Variants in PCDH15 observed in about 807,000 individuals in gnomAD.
PCDH15 encodes the protein protocadherin related 15.
In PCDH15, 129 loss-of-function variants were observed where a neutral mutation model predicts 178.5. That is an observed-to-expected ratio of 0.72 (90% CI 0.63 to 0.84). The LOEUF is 0.84. Among genes scored for constraint, PCDH15 ranks in the 40% least tolerant of loss-of-function variants. PCDH15 has a pLI of 0.00. For synonymous variants in PCDH15, 800 were observed against 732.0 expected (o/e 1.09, Z -1.50); for missense variants, 2,230 against 2,099.9 (o/e 1.06, Z -1.21).
intron 1 of PCDH15, among the ~76,000 whole-genome samples, chr10:54,710,213 A>G (rs919902598): frequency 2.0e-4 from 30 of 151,950 alleles, no homozygotes; most frequent in African/African-American, 7.2e-4. Context: ...ACTCAAGTGG[A>G]CGATCATGCA....
chr10:54,551,754 T>C (rs2133193898), intron 2 of PCDH15, among the ~76,000 whole-genome samples: 1 of 152,142 alleles, frequency 6.6e-6, no homozygotes, highest in African/African-American at 2.4e-5. Flanking sequence ...AGGAATCTCT[T>C]TTTACAATTT....
At chr10:54,991,404 G>T (rs940020293) in intron 2 of PCDH15, among the ~76,000 whole-genome samples, 19 of 152,072 alleles carry the variant, frequency 1.2e-4, no homozygotes, top group African/African-American at 3.9e-4. Context: ...AAAGAGAAAA[G>T]CTGGGCATGT....
At chr10:54,878,956 G>A (rs888768182) in intron 3 of PCDH15, among the ~76,000 whole-genome samples, 14 of 152,144 alleles carry the variant, frequency 9.2e-5, no homozygotes, top group African/African-American at 1.9e-4. Flanking sequence ...ATGCTTCGCC[G>A]AATTATTATT....
At chr10:54,200,846 C>T (rs2050162482) in intron 10 of PCDH15, among the ~76,000 whole-genome samples, 1 of 151,988 alleles carries the variant, frequency 6.6e-6, no homozygotes, top group Non-Finnish European at 1.5e-5. Context: ...ATACTCACTC[C>T]CTTGCTCAAT....
In PCDH15 at chr10:53,985,121, A is replaced by T. The variant is rs188856269; in HGVS notation, c.2868+10528T>A. ...CACAGACCCATAAATAAAAATATTG[A>T]TCTTTGCTATTGCAGAACAGTGAGA... On this transcript the variant is annotated intron_variant, in intron 21 of 37. Coordinates refer to ENST00000644397, the MANE Select transcript of PCDH15 (RefSeq NM_001384140.1). 9.5e-4 allele frequency among the ~76,000 whole-genome samples: 145 copies of T among 152,298 alleles called. 1 individual carries two copies. The highest frequency in any genetic ancestry group is 3.4e-3 in the Middle Eastern group (1 of 294).
chr10:55,516,191 C>T (rs1040791191), intron 2 of PCDH15, among the ~76,000 whole-genome samples: 28 of 151,912 alleles, frequency 1.8e-4, no homozygotes, highest in African/African-American at 6.0e-4. Context: ...GAATTGTGGA[C>T]GGTTCCCCCC....
intron 8 of PCDH15, among the ~76,000 whole-genome samples, chr10:54,262,509 A>G (rs1312188828): frequency 6.6e-6 from 1 of 151,962 alleles, no homozygotes; most frequent in Admixed American, 6.6e-5. Context: ...CTGTCCCCAA[A>G]TCATAGCCAG....
At chr10:53,951,080 G>C (rs1044922313) in intron 23 of PCDH15, among the ~76,000 whole-genome samples, 1 of 152,116 alleles carries the variant, frequency 6.6e-6, no homozygotes, top group Non-Finnish European at 1.5e-5. Context: ...GATCTCTATA[G>C]TCTATTTCAT....
At chr10:54,300,591 G>T (rs2060089872) in intron 8 of PCDH15, among the ~76,000 whole-genome samples, 1 of 152,176 alleles carries the variant, frequency 6.6e-6, no homozygotes, top group Non-Finnish European at 1.5e-5. Flanking sequence ...CCTAACAGAA[G>T]TTGGGGTGTC....
chr10:55,288,846 C>CGAAG (rs1842938195), intron 1 of PCDH15, among the ~76,000 whole-genome samples: 1 of 150,310 alleles, frequency 6.7e-6, no homozygotes, highest in Non-Finnish European at 1.5e-5. Context: ...CTATTTCTTC[C>CGAAG]AGCTTATGAC....
chr10:54,922,715 C>T (rs554120520), intron 2 of PCDH15, among the ~76,000 whole-genome samples: 1 of 152,234 alleles, frequency 6.6e-6, no homozygotes. Context: ...TTTCTCACAT[C>T]CAGGCCACAA....
chr10:53,990,538 T>C (rs371144547), intron 21 of PCDH15, among the ~76,000 whole-genome samples: 148 of 93,572 alleles, frequency 1.6e-3, no homozygotes, highest in South Asian at 2.4e-3. Context: ...TATATATGTT[T>C]TATATATGTT....
intron 2 of PCDH15, among the ~76,000 whole-genome samples, chr10:55,132,963 A>T (rs182440493): frequency 1.1e-4 from 17 of 152,326 alleles, no homozygotes; most frequent in Admixed American, 3.9e-4. Context: ...AGTGTTGACA[A>T]GTAAAGCATG....
At chr10:53,952,256 T>G (rs1224249834) in intron 23 of PCDH15, among the ~76,000 whole-genome samples, 1 of 152,126 alleles carries the variant, frequency 6.6e-6, no homozygotes, top group Admixed American at 6.5e-5. Context: ...GTCCCACATC[T>G]AGGAAGAATT....
intron 6 of PCDH15, among the ~76,000 whole-genome samples, chr10:54,337,981 C>T (rs948453177): frequency 2.6e-5 from 4 of 152,172 alleles, no homozygotes; most frequent in Non-Finnish European, 5.9e-5. Flanking sequence ...CGTCCAAATT[C>T]CTTTCCAGAG....
At chr10:54,549,212 C>A (rs2086251618) in intron 2 of PCDH15, among the ~76,000 whole-genome samples, 1 of 138,102 alleles carries the variant, frequency 7.2e-6, no homozygotes, top group South Asian at 2.4e-4. Context: ...TCCTTATTCT[C>A]TTTTCTTTAC....
chr10:55,587,550 C>A (rs1018933922), intron 2 of PCDH15, among the ~76,000 whole-genome samples: 4 of 152,008 alleles, frequency 2.6e-5, no homozygotes, highest in African/African-American at 7.2e-5. Flanking sequence ...TAGTTTAATC[C>A]TTCTGAAATA....
At chr10:55,356,034 T>C (rs1234563654) in intron 2 of PCDH15, among the ~76,000 whole-genome samples, 2 of 151,840 alleles carry the variant, frequency 1.3e-5, no homozygotes, top group Non-Finnish European at 2.9e-5. Context: ...ATGTTCTTGA[T>C]CTCTCATAAA....
intron 1 of PCDH15, among the ~76,000 whole-genome samples, chr10:55,244,984 A>G (rs1437149204): frequency 6.6e-6 from 1 of 152,022 alleles, no homozygotes; most frequent in Non-Finnish European, 1.5e-5. Context: ...TCTGTCTTCT[A>G]TTCTGAAGGT....
Sources: allele counts gnomAD v4.1 joint callset (sites outside exome capture counted in the v4.1 genomes callset), GRCh38; gene constraint gnomAD v4.1.1; transcripts MANE v1.5; gene names NCBI Gene and HGNC (gene_info 2026-07-23, HGNC 2026-07-21).